The following RAB15 variants were observed in gnomAD, a reference collection of about 807,000 sequenced individuals.
RAB15 encodes the protein ras-related protein Rab-15.
A neutral mutation model predicts 31.8 loss-of-function variants in RAB15; 13 were observed. That is an observed-to-expected ratio of 0.41 (90% CI 0.27 to 0.65). The LOEUF (loss-of-function observed/expected upper bound fraction) is 0.65. RAB15 is among the 30% of genes least tolerant of loss of function. The pLI, the probability that RAB15 is intolerant of heterozygous loss-of-function variation, is 0.32. For synonymous variants in RAB15, 100 were observed against 105.6 expected (o/e 0.95, Z 0.33); for missense variants, 220 against 277.3 (o/e 0.79, Z 1.47).
At chr14:64,965,334 T>C (rs1887079185) in intron 1 of RAB15, among the ~76,000 whole-genome samples, 1 of 151,978 alleles carries the variant, frequency 6.6e-6, no homozygotes, top group African/African-American at 2.4e-5. Context: ...TGGTGCATGC[T>C]TGTAATCCCA....
chr14:64,963,259 A>G (rs555626666), intron 1 of RAB15, among the ~76,000 whole-genome samples: 1 of 151,882 alleles, frequency 6.6e-6, no homozygotes, highest in African/African-American at 2.4e-5. Context: ...AGCTGGGACT[A>G]CAGGCGTGCT....
chr14:64,971,634 G>T lies in RAB15; in HGVS notation c.124+319C>A, dbSNP rs535418698. Among the ~76,000 whole-genome samples, 8 of 152,116 alleles carry T rather than the reference G, an allele frequency of 5.3e-5. No individual in the cohort carries two copies. Among genetic ancestry groups the T allele is most frequent in the South Asian group, 4.2e-4 (2 of 4,796 alleles). ...GGGGGTGTGGGGATGTTATTCCAGC[G>T]GCTACGATTCTTGCTACCCCAGCTC... On this transcript the variant is annotated intron_variant, in intron 1 of 6. Coordinates refer to ENST00000533601, the MANE Select transcript of RAB15 (RefSeq NM_001308154.2). This position sits in a 1 kb window ranked among gnomAD's most constrained non-coding sequence, Gnocchi z 4.1.
chr14:64,958,645 A>C lies in RAB15; in HGVS notation c.125-6074T>G, dbSNP rs1412259684. 6.6e-6 allele frequency among the ~76,000 whole-genome samples: 1 copy of C among 152,172 alleles called. No individual in the cohort carries two copies. The highest frequency in any genetic ancestry group is 1.9e-4 in the East Asian group (1 of 5,192). ...GATTCATCACCCCGACAGTGTCCCT[A>C]CAAAACAGTCTACTTCCTTTCTTGG... On this transcript the variant is annotated intron_variant, in intron 1 of 6. Transcript: ENST00000533601. This position sits in a 1 kb window ranked among gnomAD's most constrained non-coding sequence, Gnocchi z 4.4.
At chr14:64,969,568 T>C (rs1887319921) in intron 1 of RAB15, among the ~76,000 whole-genome samples, 1 of 152,212 alleles carries the variant, frequency 6.6e-6, no homozygotes, top group Non-Finnish European at 1.5e-5. Context: ...CCTAGAGTCC[T>C]CTGTGTCCTG....
chr14:64,954,334 T>TG lies in RAB15; in HGVS notation c.125-1764dup, dbSNP rs1228040339. 6.1e-6 allele frequency: 6 copies of TG among 985,288 alleles called. No individual in the cohort carries two copies. The highest frequency in any genetic ancestry group is 6.0e-6 in the Non-Finnish European group (5 of 829,898). 61.0% of individuals were successfully genotyped at this position (985,288 alleles called of 1,614,324 possible). The stretch of plus-strand genomic sequence containing the variant: ...CCTGGATCAACGGTTATCAGGCACC[T>TG]GTTTCTCCCCAGTACCTGGCATAGA... On this transcript the variant is annotated intron_variant, in intron 1 of 6. Coordinates refer to ENST00000533601, the MANE Select transcript of RAB15 (RefSeq NM_001308154.2). The surrounding 1 kb of genome is among the most constrained non-coding windows in gnomAD (Gnocchi z 4.3).
intron 1 of RAB15, among the ~76,000 whole-genome samples, chr14:64,957,529 A>G (rs1886641916): frequency 6.6e-6 from 1 of 152,068 alleles, no homozygotes. Flanking sequence ...GCCCAGCCCT[A>G]CTCACTCTTC....
At chr14:64,963,600 A>G (rs1476300800) in intron 1 of RAB15, among the ~76,000 whole-genome samples, 2 of 152,208 alleles carry the variant, frequency 1.3e-5, no homozygotes, top group Non-Finnish European at 2.9e-5. Context: ...AGAAAAGACT[A>G]GGACATAGAA....
rs1191915311 is a variant in RAB15, at chr14:64,955,353, C to G, written c.125-2782G>C. 1.3e-5 allele frequency among the ~76,000 whole-genome samples: 2 copies of G among 152,178 alleles called. No homozygotes were observed. Among genetic ancestry groups the G allele is most frequent in the Non-Finnish European group, 2.9e-5 (2 of 68,030 alleles). On this transcript the variant is annotated intron_variant, in intron 1 of 6. Coordinates refer to ENST00000533601, the MANE Select transcript of RAB15 (RefSeq NM_001308154.2). The surrounding 1 kb of genome is among the most constrained non-coding windows in gnomAD (Gnocchi z 4.4). ...ACACAACCTGGGCCTTCAGCTGTGT[C>G]CACCTACCAGTCAAGCCCTGGCCCC...
rs1351325088 is a variant in RAB15 at position 64,951,104 on chromosome 14, G to A, written c.294C>T (p.His98=). 6.2e-7 allele frequency: 1 copy of A among 1,612,952 alleles called. No individual in the cohort carries two copies. The change falls in exon 4 of 7, where the codon CAC becomes CAT. Residue 98 remains histidine, a synonymous_variant. Transcript: ENST00000533601. The surrounding 1 kb of genome is among the most constrained non-coding windows in gnomAD (Gnocchi z 7.2). The stretch of plus-strand genomic sequence containing the variant: ...CCACGTCACTGACCCACTTCATGAT[G>A]TGCTGGTAAGAGCGCTCGCTGCTAA... ...YDISSERSYQ[H]IMKWVSDVDE...
chr14:64,968,855 C>G lies in RAB15; in HGVS notation c.124+3098G>C, dbSNP rs1056707247. Among the ~76,000 whole-genome samples the G allele has an allele frequency of 6.6e-5, 10 of 152,216 alleles. No individual in the cohort carries two copies. The highest frequency in any genetic ancestry group is 1.3e-4 in the Non-Finnish European group (9 of 68,034). On this transcript the variant is annotated intron_variant, in intron 1 of 6. Transcript: ENST00000533601. The surrounding 1 kb of genome is among the most constrained non-coding windows in gnomAD (Gnocchi z 4.9). ...CCTGTGGCAGAGCCAGTGGCAGGGC[C>G]ACCTGCTGGTCTGCTGGCCAGAAAG... is the stretch of plus-strand genomic sequence containing the variant.
rs1887440133 is a variant in RAB15 at position 64,971,881 on chromosome 14, C to T, written c.124+72G>A. 1 of 1,427,920 alleles carries T rather than the reference C, an allele frequency of 7.0e-7. No individual in the cohort carries two copies. The highest frequency in any genetic ancestry group is 2.0e-5 in the Admixed American group (1 of 48,928). 88.5% of individuals were successfully genotyped at this position (1,427,920 alleles called of 1,614,324 possible). Reference sequence around the variant, plus strand: ...GGAGGGGCTGGCAATTCCTCCCCAGCTGGGGACGGGGGCGGCGGGGAAAGG... The same window carrying T: ...GGAGGGGCTGGCAATTCCTCCCCAGTTGGGGACGGGGGCGGCGGGGAAAGG... On this transcript the variant is annotated intron_variant, in intron 1 of 6. Transcript: ENST00000533601. This position sits in a 1 kb window ranked among gnomAD's most constrained non-coding sequence, Gnocchi z 4.1.
In RAB15 at chr14:64,955,936, GGA is replaced by G. The variant is rs1308227716; in HGVS notation, c.125-3367_125-3366del. On this transcript the variant is annotated intron_variant, in intron 1 of 6. Coordinates refer to ENST00000533601, the MANE Select transcript of RAB15 (RefSeq NM_001308154.2). The surrounding 1 kb of genome is among the most constrained non-coding windows in gnomAD (Gnocchi z 4.4). The stretch of plus-strand genomic sequence containing the variant: ...TTCCAGGTGCATGAGAATCACGCGG[GGA>G]TTGAGTTAAAATGCAGATTCTGATC... 6.6e-6 allele frequency among the ~76,000 whole-genome samples: 1 copy of G among 152,178 alleles called. No homozygotes were observed. Among genetic ancestry groups the G allele is most frequent in the Non-Finnish European group, 1.5e-5 (1 of 68,034 alleles).
intron 1 of RAB15, among the ~76,000 whole-genome samples, chr14:64,963,972 A>G (rs1566848205): frequency 6.6e-6 from 1 of 152,154 alleles, no homozygotes; most frequent in South Asian, 2.1e-4. Context: ...TTTCTTTTGC[A>G]TAATATTCTG....
rs1184017343 is a variant in RAB15 at position 64,971,897 on chromosome 14, C to T, written c.124+56G>A. ...CCTCCCCAGCTGGGGACGGGGGCGG[C>T]GGGGAAAGGGGCCGCGGGCGGGGAG... On this transcript the variant is annotated intron_variant, in intron 1 of 6. Transcript: ENST00000533601. This position sits in a 1 kb window ranked among gnomAD's most constrained non-coding sequence, Gnocchi z 4.1. 2.8e-5 allele frequency: 39 copies of T among 1,398,552 alleles called. No individual in the cohort carries two copies. The highest frequency in any genetic ancestry group is 3.6e-5 in the Non-Finnish European group (37 of 1,035,956). The allele number at this position is 1,398,552 out of a possible 1,614,324, so 86.6% of individuals were successfully genotyped here. A position where few individuals can be genotyped will look rare whatever the true frequency, so the allele number is the denominator to read the frequency against.
rs368724132 is a variant in RAB15, at chr14:64,950,843, G to C, written c.324+231C>G. 1.2e-6 allele frequency: 1 copy of C among 826,282 alleles called. No homozygotes were observed. The highest frequency in any genetic ancestry group is 1.7e-5 in the African/African-American group (1 of 58,460). 51.2% of individuals were successfully genotyped at this position (826,282 alleles called of 1,614,324 possible). On this transcript the variant is annotated intron_variant, in intron 4 of 6. Transcript: ENST00000533601. The surrounding 1 kb of genome is among the most constrained non-coding windows in gnomAD (Gnocchi z 5.6). ...AGAAGCTGCTCACAGGGAAGACTTG[G>C]AACTAATTCATTTCCGGGAAAGACA...
At position 64,948,530 on chromosome 14, in the gene RAB15, C is replaced by A; in HGVS notation, c.481-18G>T. 1 of 1,599,794 alleles carries A rather than the reference C, an allele frequency of 6.3e-7. No homozygotes were observed. Among genetic ancestry groups the A allele is most frequent in the South Asian group, 1.1e-5 (1 of 88,870 alleles). On this transcript the variant is annotated intron_variant, in intron 6 of 6. Coordinates refer to ENST00000533601, the MANE Select transcript of RAB15 (RefSeq NM_001308154.2). This position sits in a 1 kb window ranked among gnomAD's most constrained non-coding sequence, Gnocchi z 7.0. ...GTGAATGACTGGAAACCAAAGGGCA[C>A]AGGTTAGTCCAGTGTCTCCTCCTCT...
chr14:64,967,341 C>T (rs1392524298), intron 1 of RAB15, among the ~76,000 whole-genome samples: 1 of 152,194 alleles, frequency 6.6e-6, no homozygotes, highest in African/African-American at 2.4e-5. Flanking sequence ...ATAATCCCAG[C>T]ATTTTGGAAG....
chr14:64,953,535 G>T lies in RAB15; in HGVS notation c.125-964C>A, dbSNP rs559148472. On this transcript the variant is annotated intron_variant, in intron 1 of 6. Transcript: ENST00000533601. This position sits in a 1 kb window ranked among gnomAD's most constrained non-coding sequence, Gnocchi z 4.6. ...AGTTCCCACGCTTCTTCATCCAAGG[G>T]CTGGAGGAGCTAAGCTGCCACGAGA... Among the ~76,000 whole-genome samples the T allele has an allele frequency of 4.6e-5, 7 of 152,274 alleles. No homozygotes were observed. In the South Asian group the frequency reaches 1.5e-3, roughly 32 times the overall value.
rs1391090101 is a variant in RAB15 at position 64,968,585 on chromosome 14, C to G, written c.124+3368G>C. 6.6e-6 allele frequency among the ~76,000 whole-genome samples: 1 copy of G among 152,206 alleles called. No homozygotes were observed. Among genetic ancestry groups the G allele is most frequent in the East Asian group, 1.9e-4 (1 of 5,200 alleles). ...CATCCTTTACATTTGAAGAGTGATT[C>G]ACCAAGTTCTTTCAGATATCTCATT... On this transcript the variant is annotated intron_variant, in intron 1 of 6. Transcript: ENST00000533601. The surrounding 1 kb of genome is among the most constrained non-coding windows in gnomAD (Gnocchi z 4.9).
Sources: gnomAD v4.1 joint callset for allele counts (sites outside exome capture counted in the v4.1 genomes callset) on GRCh38, gnomAD v4.1.1 for gene constraint, Gnocchi (gnomAD v3.1) non-coding constraint, MANE v1.5 for transcripts, NCBI Gene and HGNC (gene_info 2026-07-23, HGNC 2026-07-21) for gene names.